Variants in GLDN observed in about 807,000 individuals in gnomAD.
GLDN encodes gliomedin.
GLDN carries 47 observed loss-of-function variants against 56.5 expected under a neutral mutation model. The observed-to-expected ratio is 0.83, with a 90% CI of 0.66 to 1.06. The LOEUF is 1.06. Ranked by LOEUF, GLDN falls within the 50% of genes least tolerant of loss-of-function variation. The pLI is 0.00. For missense variants in GLDN, 782 were observed against 714.3 expected, an observed-to-expected ratio of 1.09 and a Z score of -1.08; for synonymous variants, 332 against 278.8, an observed-to-expected ratio of 1.19 and a Z score of -1.90.
At chr15:51,352,478 G>A (rs576846648) in intron 1 of GLDN, among the ~76,000 whole-genome samples, 12 of 152,214 alleles carry the variant, frequency 7.9e-5, no homozygotes, top group African/African-American at 2.4e-4. Flanking sequence ...TGCTCCTAGT[G>A]TCTTGTTTCT....
At chr15:51,358,505 TA>T (rs2037229571) in intron 1 of GLDN, among the ~76,000 whole-genome samples, 1 of 152,088 alleles carries the variant, frequency 6.6e-6, no homozygotes. Context: ...TCTGTGTGGC[TA>T]AAAAAGGACA....
chr15:51,345,132 C>G (rs532292091), intron 1 of GLDN, among the ~76,000 whole-genome samples: 4 of 152,096 alleles, frequency 2.6e-5, no homozygotes, highest in African/African-American at 9.7e-5. Flanking sequence ...TTTCTCTGAC[C>G]TCCTCTCATA....
rs1225712223 is a variant in GLDN at position 51,407,701 on chromosome 15, C to T, written c.*2947C>T. 1 of 152,212 alleles carries T rather than the reference C, an allele frequency of 6.6e-6. No homozygotes were observed. The highest frequency in any genetic ancestry group is 6.5e-5 in the Admixed American group (1 of 15,280). The allele number at this position is 152,212 out of a possible 1,614,324, so 9.4% of individuals were successfully genotyped here. On this transcript the variant is annotated 3_prime_UTR_variant, in exon 10 of 10. Transcript: ENST00000335449. ...AAGTTTTAAGATGAGGAGTTCTGAT[C>T]TTAGGCATCTTAACAGTCACAAGGT...
chr15:51,376,499 A>G (rs2037633669), intron 1 of GLDN, among the ~76,000 whole-genome samples: 1 of 152,240 alleles, frequency 6.6e-6, no homozygotes, highest in African/African-American at 2.4e-5. Context: ...TGTAGACTCT[A>G]TAAACACTGT....
In GLDN at chr15:51,404,482, C is replaced by G; in HGVS notation, c.1384C>G (p.His462Asp). The G allele has an allele frequency of 6.2e-7, 1 of 1,614,148 alleles. No homozygotes were observed. Among genetic ancestry groups the G allele is most frequent in the Non-Finnish European group, 8.5e-7 (1 of 1,180,026 alleles). Residue 462 changes from histidine to aspartate, a missense_variant, in exon 10 of 10, where the codon CAC (histidine) becomes GAC (aspartate). His to Asp is a moderately conservative substitution (Grantham distance 81, BLOSUM62 -1). Transcript: ENST00000335449. The part of the protein sequence containing the change: ...LDERTFSVVQ[H>D]VNTTYPKSKA... ...TGAGAGGACATTCTCAGTGGTGCAA[C>G]ACGTCAATACCACGTACCCTAAATC...
chr15:51,370,469 T>C (rs1301527624), intron 1 of GLDN, among the ~76,000 whole-genome samples: 1 of 152,244 alleles, frequency 6.6e-6, no homozygotes, highest in African/African-American at 2.4e-5. Flanking sequence ...TGAAAATCAC[T>C]GGACTTTACA....
intron 3 of GLDN, 107 bp from the exon 4 acceptor site, chr15:51,383,678 G>A (rs1007853076): frequency 1.0e-5 from 10 of 966,468 alleles, no homozygotes; most frequent in South Asian, 4.8e-5. Flanking sequence ...TGTGGAAAAG[G>A]AATTGATGCC....
chr15:51,359,631 G>A (rs561553814), intron 1 of GLDN, among the ~76,000 whole-genome samples: 1 of 152,252 alleles, frequency 6.6e-6, no homozygotes, highest in Admixed American at 6.5e-5. Flanking sequence ...ATAACACAGG[G>A]AAAGGAAGAA....
chr15:51,342,876 C>T (rs2141041720), intron 1 of GLDN, among the ~76,000 whole-genome samples: 1 of 152,222 alleles, frequency 6.6e-6, no homozygotes, highest in Non-Finnish European at 1.5e-5. Context: ...TTGCATGCCT[C>T]CCCCAAAAGG....
intron 1 of GLDN, among the ~76,000 whole-genome samples, chr15:51,362,974 A>G (rs955068716): frequency 6.6e-6 from 1 of 152,116 alleles, no homozygotes; most frequent in African/African-American, 2.4e-5. Context: ...AAATAGAGGA[A>G]TTGAAGGACT....
At chr15:51,369,409 C>T (rs1244671506) in intron 1 of GLDN, among the ~76,000 whole-genome samples, 1 of 152,234 alleles carries the variant, frequency 6.6e-6, no homozygotes, top group Non-Finnish European at 1.5e-5. Context: ...AGTGTTCCAG[C>T]CAGCAAACTG....
At chr15:51,365,436 G>A (rs1047249694) in intron 1 of GLDN, among the ~76,000 whole-genome samples, 1 of 152,184 alleles carries the variant, frequency 6.6e-6, no homozygotes, top group African/African-American at 2.4e-5. Context: ...TGTACAACAT[G>A]CCAGGTGTTA....
In GLDN at chr15:51,342,071, T is replaced by C. The variant is rs2036896284; in HGVS notation, c.363+24T>C. The C allele has an allele frequency of 1.9e-6, 3 of 1,588,970 alleles. No homozygotes were observed. The South Asian group carries it at 3.3e-5, about 18-fold the overall frequency. ...CGGTAGGCGGGGTCTCTGTTCCCCGTGGCGCCCCGGCCAGGTGGGCGGCTG... is the reference window on the plus strand; with the variant it reads ...CGGTAGGCGGGGTCTCTGTTCCCCGCGGCGCCCCGGCCAGGTGGGCGGCTG... On this transcript the variant is annotated intron_variant, in intron 1 of 9. Coordinates refer to ENST00000335449, the MANE Select transcript of GLDN (RefSeq NM_181789.4).
chr15:51,346,320 G>C (rs1343200163), intron 1 of GLDN, among the ~76,000 whole-genome samples: 2 of 152,182 alleles, frequency 1.3e-5, no homozygotes, highest in East Asian at 3.8e-4. Context: ...TTAAAACAGA[G>C]TGGGATATGA....
At chr15:51,412,060 GA>G (rs2038470871), downstream of GLDN, among the ~76,000 whole-genome samples, 1 of 152,234 alleles carries the variant, frequency 6.6e-6, no homozygotes, top group Non-Finnish European at 1.5e-5. Flanking sequence ...ATTGAGTGCT[GA>G]CCATGTGCCA....
rs145639488 is a variant in GLDN at position 51,375,738 on chromosome 15, C to T, written c.364-1711C>T. Among the ~76,000 whole-genome samples, 334 of 152,310 alleles carry T rather than the reference C, an allele frequency of 2.2e-3. 2 individuals carry two copies. The highest frequency in any genetic ancestry group is 7.6e-3 in the African/African-American group (316 of 41,566). ...CACTGCCACCCAGGGGCAGTTTCCA[C>T]GTGCCAGGGACTGAGCAGGTGCATT... On this transcript the variant is annotated intron_variant, in intron 1 of 9. Coordinates refer to ENST00000335449, the MANE Select transcript of GLDN (RefSeq NM_181789.4).
chr15:51,394,084 C>G (rs58181088), intron 4 of GLDN, among the ~76,000 whole-genome samples: 5,644 of 152,254 alleles, frequency 0.037, 188 homozygotes, highest in African/African-American at 0.089. Flanking sequence ...GTTTCAATAT[C>G]TATAAAATGA....
At chr15:51,368,448 C>A (rs968901142) in intron 1 of GLDN, among the ~76,000 whole-genome samples, 1 of 151,876 alleles carries the variant, frequency 6.6e-6, no homozygotes, top group African/African-American at 2.4e-5. Flanking sequence ...ACTTGCCCCC[C>A]AGGCCGCTGA....
Position 51,341,865 on chromosome 15 carries a change from G to T in GLDN, c.181G>T (p.Glu61Ter). 4 of 1,551,084 alleles carry T rather than the reference G, an allele frequency of 2.6e-6. No individual in the cohort carries two copies. The highest frequency in any genetic ancestry group is 3.5e-6 in the Non-Finnish European group (4 of 1,157,274). Reference protein sequence around the residue: ...LEAQRGREQREDSALRSFLAE... With the variant: ...LEAQRGREQR ...GGCGCAGCGGGGCCGGGAGCAGCGCGAGGACAGTGCCCTGCGCTCCTTCCT... is the reference window on the plus strand; with the variant it reads ...GGCGCAGCGGGGCCGGGAGCAGCGCTAGGACAGTGCCCTGCGCTCCTTCCT... The change falls in exon 1 of 10, where the codon GAG becomes TAG. Residue 61 changes from glutamate to a stop codon, truncating the protein, a stop_gained. Transcript: ENST00000335449. LOFTEE classifies it high-confidence loss of function.
Sources: gnomAD v4.1 joint callset for allele counts (sites outside exome capture counted in the v4.1 genomes callset) on GRCh38, gnomAD v4.1.1 for gene constraint, MANE v1.5 for transcripts, NCBI Gene and HGNC (gene_info 2026-07-23, HGNC 2026-07-21) for gene names.